DMGDH: variants seen among roughly 807,000 people sequenced by gnomAD.
The protein encoded by DMGDH is dimethylglycine dehydrogenase, mitochondrial.
In DMGDH, 76 loss-of-function variants were observed where a neutral mutation model predicts 95.2. The ratio of observed to expected loss-of-function variants is 0.80; its 90% CI spans 0.66 to 0.97. The LOEUF (loss-of-function observed/expected upper bound fraction) is 0.97. Among genes scored for constraint, DMGDH ranks in the 50% least tolerant of loss-of-function variants. DMGDH has a pLI of 0.00. For synonymous variants in DMGDH, 345 were observed against 377.6 expected, an observed-to-expected ratio of 0.91 and a Z score of 1.00; for missense variants, 987 against 1,055.0, an observed-to-expected ratio of 0.94 and a Z score of 0.89.
intron 15 of DMGDH, 121 bp from the exon 16 acceptor site, chr5:78,998,418 G>C (rs1395906442): frequency 2.2e-6 from 2 of 907,714 alleles, no homozygotes; most frequent in Non-Finnish European, 3.5e-6. Context: ...ATGAAGTGCT[G>C]TCTGGGGGGA....
chr5:79,054,280 T>C lies in DMGDH; in HGVS notation c.444A>G (p.Lys148=), dbSNP rs1328936694. 9 of 1,614,016 alleles carry C rather than the reference T, an allele frequency of 5.6e-6. No individual in the cohort carries two copies. The highest frequency in any genetic ancestry group is 7.6e-6 in the Non-Finnish European group (9 of 1,180,006). ...GCCAGCCAGTCCGAGTCATTTGATA[T>C]TTAAATTCATCTACCCTTACAGGGG... ...ATTPVRVDEF[K]YQMTRTGWHA... Residue 148 remains lysine, a synonymous_variant, in exon 4 of 16, where the codon AAA becomes AAG. Coordinates refer to ENST00000255189, the MANE Select transcript of DMGDH (RefSeq NM_013391.3).
rs576869606 is a variant in DMGDH at position 79,031,556 on chromosome 5, C to A, written c.1518-558G>T. 3.3e-5 allele frequency among the ~76,000 whole-genome samples: 5 copies of A among 152,286 alleles called. No individual in the cohort carries two copies. In the South Asian group the frequency reaches 1.0e-3, roughly 32 times the overall value. Reference sequence around the variant, plus strand: ...CGCAGGAGATGCCTATGCTGTTGGTCCACACCTGGGGTACATAAGGATCTG... The same window carrying A: ...CGCAGGAGATGCCTATGCTGTTGGTACACACCTGGGGTACATAAGGATCTG... On this transcript the variant is annotated intron_variant, in intron 9 of 15. Coordinates refer to ENST00000255189, the MANE Select transcript of DMGDH (RefSeq NM_013391.3).
rs1753528473 is a variant in DMGDH, at chr5:79,005,425, AATG to A, written c.2251-21_2251-19del. On this transcript the variant is annotated intron_variant, in intron 14 of 15. Transcript: ENST00000255189. Reference sequence around the variant, plus strand: ...TCTGCTGGCTGCAGGAATCCAAGATAATGATGATGAATGAATGCTCAGACACTG... The same window carrying A: ...TCTGCTGGCTGCAGGAATCCAAGATAATGATGAATGAATGCTCAGACACTG... The A allele has an allele frequency of 6.2e-7, 1 of 1,613,864 alleles. No homozygotes were observed. The highest frequency in any genetic ancestry group is 1.3e-5 in the African/African-American group (1 of 74,924).
At chr5:79,062,820 G>A (rs1350676292) in intron 2 of DMGDH, among the ~76,000 whole-genome samples, 10 of 152,154 alleles carry the variant, frequency 6.6e-5, no homozygotes, top group Non-Finnish European at 1.0e-4. Flanking sequence ...AAGGCCAGGC[G>A]CAGTGGTTCA....
At chr5:79,054,052 A>G (rs1031376721) in intron 4 of DMGDH, 132 bp downstream of exon 4, 30 of 1,022,868 alleles carry the variant, frequency 2.9e-5, no homozygotes, top group Non-Finnish European at 4.3e-5. Flanking sequence ...CCCAAATTCC[A>G]AAATTAATCA....
At chr5:79,020,983 T>C (rs1753851767) in intron 14 of DMGDH, 3 of 985,470 alleles carry the variant, frequency 3.0e-6, no homozygotes, top group Non-Finnish European at 3.6e-6. Flanking sequence ...GATTAATGCA[T>C]TTCTTCCATC....
intron 4 of DMGDH, among the ~76,000 whole-genome samples, chr5:79,052,690 G>A (rs1235471382): frequency 1.3e-5 from 2 of 152,168 alleles, no homozygotes; most frequent in Non-Finnish European, 2.9e-5. Flanking sequence ...ATTCATGATA[G>A]TGAGGAGTTC....
At chr5:79,023,315 A>T (rs1304244716) in intron 14 of DMGDH, among the ~76,000 whole-genome samples, 1 of 152,132 alleles carries the variant, frequency 6.6e-6, no homozygotes, top group African/African-American at 2.4e-5. Context: ...TGCTGCCCTT[A>T]TTCTTCAATA....
chr5:79,034,042 C>CA (rs1754270047), intron 7 of DMGDH, among the ~76,000 whole-genome samples: 1 of 152,100 alleles, frequency 6.6e-6, no homozygotes, highest in African/African-American at 2.4e-5. Context: ...TTTAGGAAAA[C>CA]TAGGGGTTGG....
chr5:79,056,363 T>A (rs1404425731), intron 2 of DMGDH, among the ~76,000 whole-genome samples: 2 of 150,984 alleles, frequency 1.3e-5, no homozygotes. Flanking sequence ...ATACAAATGG[T>A]GAAACCCCGT....
chr5:79,030,784 A>G, intron 10 of DMGDH, 49 bp downstream of exon 10: 1 of 1,601,132 alleles, frequency 6.2e-7, no homozygotes. Flanking sequence ...GGGATGAAGA[A>G]TTAAATAGGT....
intron 2 of DMGDH, 117 bp downstream of exon 2, chr5:79,063,496 G>T: frequency 1.7e-6 from 2 of 1,174,932 alleles, no homozygotes; most frequent in Non-Finnish European, 2.5e-6. Context: ...CACTTCCAAC[G>T]CTATTGAAGG....
chr5:79,013,803 A>G (rs1037301962), intron 14 of DMGDH, among the ~76,000 whole-genome samples: 10 of 152,254 alleles, frequency 6.6e-5, no homozygotes, highest in East Asian at 3.9e-4. Context: ...GAGGTGCTAC[A>G]TACTTTTAAA....
intron 14 of DMGDH, chr5:79,020,604 A>T: frequency 1.1e-6 from 1 of 925,328 alleles, no homozygotes; most frequent in Non-Finnish European, 1.3e-6. Flanking sequence ...TCGAACAGTT[A>T]TGCTTTAAAT....
In DMGDH at chr5:79,055,956, C is replaced by T. The variant is rs1580226856; in HGVS notation, c.277-48G>A. 5 of 1,226,464 alleles carry T rather than the reference C, an allele frequency of 4.1e-6. No individual in the cohort carries two copies. In the East Asian group the frequency reaches 1.2e-4, roughly 29 times the overall value. The allele number at this position is 1,226,464 out of a possible 1,614,324, so 76.0% of individuals were successfully genotyped here. On this transcript the variant is annotated intron_variant, in intron 2 of 15. Coordinates refer to ENST00000255189, the MANE Select transcript of DMGDH (RefSeq NM_013391.3). ...AATACTGAAAAAAAATTAACATTCT[C>T]AAAATGTTGACAGTTTATCTGTTAA...
intron 14 of DMGDH, among the ~76,000 whole-genome samples, chr5:79,013,086 C>T (rs1753673220): frequency 6.6e-6 from 1 of 152,198 alleles, no homozygotes; most frequent in Non-Finnish European, 1.5e-5. Context: ...CTTTTACACT[C>T]TGCTTCCCCT....
chr5:79,046,077 T>C (rs931808627), intron 5 of DMGDH, among the ~76,000 whole-genome samples: 1 of 151,778 alleles, frequency 6.6e-6, no homozygotes, highest in African/African-American at 2.4e-5. Context: ...TGTTTTGTTT[T>C]GTTTTGTTTT....
At chr5:79,025,360 A>AGCCTCGCCTC (rs1254840230) in intron 13 of DMGDH, among the ~76,000 whole-genome samples, 2 of 152,140 alleles carry the variant, frequency 1.3e-5, no homozygotes, top group African/African-American at 4.8e-5. Context: ...CCCTGCGCCT[A>AGCCTCGCCTC]GCCTCGCCTC....
At chr5:79,000,887 T>C in intron 15 of DMGDH, 1 of 656,656 alleles carries the variant, frequency 1.5e-6, no homozygotes, top group Non-Finnish European at 2.8e-6. Flanking sequence ...GTTCTTGCCC[T>C]TTAAGCCAAT....
Sources: gnomAD v4.1 joint callset for allele counts (sites outside exome capture counted in the v4.1 genomes callset) on GRCh38, gnomAD v4.1.1 for gene constraint, MANE v1.5 for transcripts, NCBI Gene and HGNC (gene_info 2026-07-23, HGNC 2026-07-21) for gene names.